The following PLPP1 variants were observed in gnomAD, a reference collection of about 807,000 sequenced individuals.
PLPP1 encodes the protein phospholipid phosphatase 1.
A neutral mutation model predicts 31.2 loss-of-function variants in PLPP1; 24 were observed. The ratio of observed to expected loss-of-function variants is 0.77; its 90% CI spans 0.56 to 1.08. The LOEUF (loss-of-function observed/expected upper bound fraction) is 1.08. PLPP1 is among the 50% of genes least tolerant of loss of function. The pLI is 0.00. For missense variants in PLPP1, 319 were observed against 342.7 expected (o/e 0.93, Z 0.55); for synonymous variants, 146 against 126.3 (o/e 1.16, Z -1.05).
intron 1 of PLPP1, among the ~76,000 whole-genome samples, chr5:55,492,047 A>AT (rs11387077): frequency 0.85 from 128,791 of 151,926 alleles, 54,950 homozygotes; most frequent in South Asian, 0.92. Context: ...TACCAAAATA[A>AT]TTTCAGTTGA....
At chr5:55,499,147 TAAC>T (rs1172240600) in intron 1 of PLPP1, among the ~76,000 whole-genome samples, 2 of 152,082 alleles carry the variant, frequency 1.3e-5, no homozygotes, top group African/African-American at 4.8e-5. Flanking sequence ...TACAAATAAT[TAAC>T]AACAGCTCCA....
At chr5:55,482,185 A>G (rs1277136021) in intron 1 of PLPP1, among the ~76,000 whole-genome samples, 1 of 148,968 alleles carries the variant, frequency 6.7e-6, no homozygotes, top group Non-Finnish European at 1.5e-5. Flanking sequence ...TATATAGTAT[A>G]TAGTATATAC....
chr5:55,466,414 A>G (rs1376324909), intron 3 of PLPP1, among the ~76,000 whole-genome samples: 1 of 152,128 alleles, frequency 6.6e-6, no homozygotes, highest in Non-Finnish European at 1.5e-5. Context: ...AAAAAATTGA[A>G]GCTACTGGCC....
In PLPP1 at chr5:55,460,452, TAA is replaced by T. The variant is rs1752129341; in HGVS notation, c.491+7415_491+7416del. Among the ~76,000 whole-genome samples the T allele has an allele frequency of 2.6e-5, 4 of 152,078 alleles. No homozygotes were observed. In the East Asian group the frequency reaches 7.7e-4, roughly 29 times the overall value. On this transcript the variant is annotated intron_variant, in intron 3 of 5. Transcript: ENST00000307259. ...CCAGATCAGTCAAGAAAAAAAGACA[TAA>T]GACACAAATTATCAATAGTAAGAAT...
intron 3 of PLPP1, among the ~76,000 whole-genome samples, chr5:55,452,752 C>A (rs538669815): frequency 6.6e-6 from 1 of 152,310 alleles, no homozygotes; most frequent in Non-Finnish European, 1.5e-5. Context: ...CATAGCCCAA[C>A]CTGTTATGTT....
chr5:55,530,625 G>A (rs1579990677), intron 1 of PLPP1: 12 of 1,571,612 alleles, frequency 7.6e-6, no homozygotes, highest in Non-Finnish European at 1.1e-5. Context: ...AATCTGTTTT[G>A]CACAGCATCT....
chr5:55,476,612 G>A (rs1331488265), intron 1 of PLPP1, among the ~76,000 whole-genome samples: 5 of 152,054 alleles, frequency 3.3e-5, no homozygotes, highest in African/African-American at 1.2e-4. Context: ...AGCCTGAAAC[G>A]CTCTCTCCCT....
rs899527582 is a variant in PLPP1 at position 55,512,779 on chromosome 5, T to A, written c.58+21793A>T. Among the ~76,000 whole-genome samples, 5 of 151,708 alleles carry A rather than the reference T, an allele frequency of 3.3e-5. No individual in the cohort carries two copies. In the East Asian group the frequency reaches 9.7e-4, roughly 29 times the overall value. On this transcript the variant is annotated intron_variant, in intron 1 of 5. Coordinates refer to ENST00000307259, the MANE Select transcript of PLPP1 (RefSeq NM_003711.4). ...AAAGAAACAAGGTATGGGGAGCTCC[T>A]CTAATGGAAAAGTAATTTTTAACTT...
intron 1 of PLPP1, among the ~76,000 whole-genome samples, chr5:55,489,577 G>C (rs533317579): frequency 6.6e-6 from 1 of 152,116 alleles, no homozygotes; most frequent in South Asian, 2.1e-4. Flanking sequence ...ATACCTCTTA[G>C]AACATAATAA....
At chr5:55,503,692 T>C (rs1168177658) in intron 1 of PLPP1, among the ~76,000 whole-genome samples, 1 of 150,004 alleles carries the variant, frequency 6.7e-6, no homozygotes, top group African/African-American at 2.5e-5. Flanking sequence ...TGAAGCAGAA[T>C]TGCTTGAACC....
At chr5:55,508,747 G>C (rs1753339283) in intron 1 of PLPP1, 1 of 154,142 alleles carries the variant, frequency 6.5e-6, no homozygotes, top group African/African-American at 2.4e-5. Flanking sequence ...GAGGTCCATA[G>C]AAGGGACTAA....
chr5:55,491,562 G>A (rs563527425), intron 1 of PLPP1, among the ~76,000 whole-genome samples: 1 of 152,074 alleles, frequency 6.6e-6, no homozygotes, highest in Non-Finnish European at 1.5e-5. Flanking sequence ...ATGTCATCCA[G>A]GAGAAGAAAC....
chr5:55,436,326 G>A (rs960460286), intron 4 of PLPP1, among the ~76,000 whole-genome samples: 4 of 152,056 alleles, frequency 2.6e-5, no homozygotes, highest in African/African-American at 9.7e-5. Context: ...GAATCATGGG[G>A]GCAGGTCTTT....
chr5:55,482,684 T>C (rs1752696135), intron 1 of PLPP1, among the ~76,000 whole-genome samples: 1 of 152,152 alleles, frequency 6.6e-6, no homozygotes, highest in Admixed American at 6.6e-5. Flanking sequence ...AGATGTGCCT[T>C]GCCATAAAAC....
At chr5:55,514,033 C>CA (rs1753500944) in intron 1 of PLPP1, among the ~76,000 whole-genome samples, 1 of 152,028 alleles carries the variant, frequency 6.6e-6, no homozygotes, top group African/African-American at 2.4e-5. Context: ...TTAGTTATCT[C>CA]AGTGTTCAAA....
chr5:55,441,945 T>C (rs771752992), intron 3 of PLPP1, 37 bp from the exon 4 acceptor site: 28 of 1,582,862 alleles, frequency 1.8e-5, no homozygotes, highest in Non-Finnish European at 2.2e-5. Context: ...CTTTTCTCTC[T>C]TAGGAGCCAA....
chr5:55,464,607 A>G (rs1292844021), intron 3 of PLPP1, among the ~76,000 whole-genome samples: 1 of 152,214 alleles, frequency 6.6e-6, no homozygotes, highest in Non-Finnish European at 1.5e-5. Flanking sequence ...GCATGAATGG[A>G]TAAGTAAACT....
chr5:55,441,553 G>A (rs536167627), intron 4 of PLPP1, among the ~76,000 whole-genome samples: 1 of 152,252 alleles, frequency 6.6e-6, no homozygotes, highest in East Asian at 1.9e-4. Context: ...CAGATGAGGA[G>A]AGTGGCTCCC....
chr5:55,511,656 T>TTG (rs1753413709), intron 1 of PLPP1, among the ~76,000 whole-genome samples: 1 of 91,004 alleles, frequency 1.1e-5, no homozygotes, highest in African/African-American at 3.9e-5. Context: ...TTGAGTTTTT[T>TTG]TTTTTTTTTT....
Sources: allele counts gnomAD v4.1 joint callset (sites outside exome capture counted in the v4.1 genomes callset), GRCh38; gene constraint gnomAD v4.1.1; transcripts MANE v1.5; gene names NCBI Gene and HGNC (gene_info 2026-07-23, HGNC 2026-07-21).